The following CASQ2 variants were observed in gnomAD, a reference collection of about 807,000 sequenced individuals.
The protein encoded by CASQ2 is calsequestrin-2.
Under a neutral mutation model 46.5 loss-of-function variants are expected in CASQ2, and 49 were observed. The observed-to-expected ratio is 1.05, with a 90% CI of 0.84 to 1.34. The LOEUF (loss-of-function observed/expected upper bound fraction) is 1.34. Ranked by LOEUF, CASQ2 falls within the 40% of genes most tolerant of loss-of-function variation. The pLI is 0.00. For synonymous variants in CASQ2, 174 were observed against 168.5 expected, an observed-to-expected ratio of 1.03 and a Z score of -0.25; for missense variants, 486 against 481.3, an observed-to-expected ratio of 1.01 and a Z score of -0.09.
chr1:115,732,800 A>T (rs1462320168), intron 5 of CASQ2, 101 bp downstream of exon 5: 5 of 822,534 alleles, frequency 6.1e-6, no homozygotes, highest in Non-Finnish European at 1.1e-5. Context: ...GCAAGGGAGG[A>T]TGGTTAATGT....
intron 1 of CASQ2, among the ~76,000 whole-genome samples, chr1:115,748,875 C>T (rs1265443053): frequency 6.6e-6 from 1 of 152,182 alleles, no homozygotes; most frequent in African/African-American, 2.4e-5. Context: ...GAGCCTCTGA[C>T]AGTGGTTCTT....
At chr1:115,758,918 A>C (rs1211776485) in intron 1 of CASQ2, among the ~76,000 whole-genome samples, 1 of 152,244 alleles carries the variant, frequency 6.6e-6, no homozygotes, top group Non-Finnish European at 1.5e-5. Flanking sequence ...ATTCTTTTAT[A>C]GCAACACAAA....
intron 7 of CASQ2, among the ~76,000 whole-genome samples, chr1:115,719,406 C>T (rs983820561): frequency 3.9e-5 from 6 of 152,212 alleles, no homozygotes; most frequent in African/African-American, 9.6e-5. Flanking sequence ...TGGGAGTGAG[C>T]GCTGTTAATT....
At chr1:115,735,140 A>G (rs1343305020) in intron 4 of CASQ2, among the ~76,000 whole-genome samples, 1 of 152,234 alleles carries the variant, frequency 6.6e-6, no homozygotes, top group East Asian at 1.9e-4. Flanking sequence ...TTCAAATAAT[A>G]TTTATTCAGA....
chr1:115,714,838 C>T (rs1435021592), intron 8 of CASQ2, among the ~76,000 whole-genome samples: 1 of 152,244 alleles, frequency 6.6e-6, no homozygotes, highest in Non-Finnish European at 1.5e-5. Context: ...TCAGTGCATG[C>T]TTACAGCTTC....
At chr1:115,738,160 C>A in intron 4 of CASQ2, 64 bp downstream of exon 4, 1 of 976,940 alleles carries the variant, frequency 1.0e-6, no homozygotes, top group Middle Eastern at 2.1e-4. Context: ...TTTGGGGTAA[C>A]CTGACATACC....
intron 1 of CASQ2, among the ~76,000 whole-genome samples, chr1:115,758,592 G>T (rs1648838681): frequency 6.6e-6 from 1 of 152,214 alleles, no homozygotes; most frequent in African/African-American, 2.4e-5. Context: ...TGGGGTCATG[G>T]AGGTGAATCC....
intron 7 of CASQ2, among the ~76,000 whole-genome samples, chr1:115,720,437 G>A (rs1319512875): frequency 6.6e-6 from 1 of 152,038 alleles, no homozygotes; most frequent in Admixed American, 6.5e-5. Flanking sequence ...CATTACCTTG[G>A]GGGCTATGAT....
Position 115,701,164 on chromosome 1 carries a change from G to T in CASQ2, c.*77C>A, listed in dbSNP as rs1168222788. 6.2e-7 allele frequency: 1 copy of T among 1,610,790 alleles called. No homozygotes were observed. Among genetic ancestry groups the T allele is most frequent in the Non-Finnish European group, 8.5e-7 (1 of 1,178,578 alleles). ...AGCTGGCTGGGTGTGGGGCAGAATT[G>T]CTTGCTGCCACCTTGTGCTGTCTGT... On this transcript the variant is annotated 3_prime_UTR_variant, in exon 11 of 11. Transcript: ENST00000261448.
At chr1:115,718,373 G>A (rs1341938145) in intron 7 of CASQ2, among the ~76,000 whole-genome samples, 3 of 152,210 alleles carry the variant, frequency 2.0e-5, no homozygotes, top group Non-Finnish European at 4.4e-5. Flanking sequence ...GATTATGGAG[G>A]CTTCTGAATG....
At chr1:115,713,380 C>T (rs1472320040) in intron 8 of CASQ2, among the ~76,000 whole-genome samples, 1 of 152,174 alleles carries the variant, frequency 6.6e-6, no homozygotes, top group East Asian at 1.9e-4. Flanking sequence ...GCCAGGCCTG[C>T]CTAAGGGCAT....
Position 115,768,476 on chromosome 1 carries a change from C to A in CASQ2, c.66G>T (p.Gly22=). The A allele has an allele frequency of 6.2e-7, 1 of 1,613,936 alleles. No individual in the cohort carries two copies. Among genetic ancestry groups the A allele is most frequent in the Non-Finnish European group, 8.5e-7 (1 of 1,179,802 alleles). ...TCCCATCATATGTGGGGAAATTAAG[C>A]CCCTCTTCTGCCCTGCAAGAGGACA... ...YFLSSCRAEE[G]LNFPTYDGKD... Residue 22 remains glycine (G), a synonymous_variant, in exon 1 of 11, where the codon GGG becomes GGT. Transcript: ENST00000261448.
chr1:115,751,421 G>C (rs565640160), intron 1 of CASQ2, among the ~76,000 whole-genome samples: 2 of 94,800 alleles, frequency 2.1e-5, no homozygotes, highest in African/African-American at 6.3e-5. Flanking sequence ...TGTAATCCCA[G>C]CACTTTGGGA....
At chr1:115,761,496 G>GAA (rs1557806854) in intron 1 of CASQ2, among the ~76,000 whole-genome samples, 46 of 44,230 alleles carry the variant, frequency 1.0e-3, no homozygotes, top group East Asian at 4.2e-3. Context: ...AGGAGAAGAA[G>GAA]GAGAAGAAGA....
chr1:115,712,258 C>T (rs1208825631), intron 8 of CASQ2, among the ~76,000 whole-genome samples: 1 of 152,190 alleles, frequency 6.6e-6, no homozygotes, highest in African/African-American at 2.4e-5. Context: ...TGTCTGGGCC[C>T]CACAGCTATG....
intron 1 of CASQ2, among the ~76,000 whole-genome samples, chr1:115,766,140 G>T (rs572417057): frequency 2.0e-5 from 3 of 152,276 alleles, no homozygotes; most frequent in Middle Eastern, 3.4e-3. Flanking sequence ...GGCCATGCTG[G>T]TGTACAGCTG....
Position 115,717,857 on chromosome 1 carries a change from G to C in CASQ2, c.821C>G (p.Ala274Gly). The change falls in exon 8 of 11, where the codon GCA becomes GGA. Residue 274 changes from alanine (A) to glycine (G), a missense_variant. Coordinates refer to ENST00000261448, the MANE Select transcript of CASQ2 (RefSeq NM_001232.4). ...TTTCCTACCTGGATCACTCTTCTCT[G>C]CAAAGGCCACAATGTGGATCCCATT... ...DLNGIHIVAFAEKSDPDGYEF... is the reference protein window; with the variant it reads ...DLNGIHIVAFGEKSDPDGYEF... 1 of 1,611,106 alleles carries C rather than the reference G, an allele frequency of 6.2e-7. No homozygotes were observed. The highest frequency in any genetic ancestry group is 8.5e-7 in the Non-Finnish European group (1 of 1,177,278).
chr1:115,725,575 A>G (rs1482966501), intron 6 of CASQ2, 22 bp from the exon 7 acceptor site: 9 of 1,602,034 alleles, frequency 5.6e-6, no homozygotes, highest in African/African-American at 4.0e-5. Flanking sequence ...AAAAAAAAAA[A>G]AAAAAGAAAG....
At chr1:115,728,968 C>A (rs1434877997) in intron 5 of CASQ2, among the ~76,000 whole-genome samples, 2 of 150,412 alleles carry the variant, frequency 1.3e-5, no homozygotes, top group Non-Finnish European at 3.0e-5. Context: ...GGGATCTCTT[C>A]ACTGTCTACC....
Sources: gnomAD v4.1 joint callset for allele counts (sites outside exome capture counted in the v4.1 genomes callset) on GRCh38, gnomAD v4.1.1 for gene constraint, MANE v1.5 for transcripts, NCBI Gene and HGNC (gene_info 2026-07-23, HGNC 2026-07-21) for gene names.